The following CAMKMT variants were observed in gnomAD, a reference collection of about 807,000 sequenced individuals.
CAMKMT encodes CaM KMT.
A neutral mutation model predicts 48.0 loss-of-function variants in CAMKMT; 53 were observed. The observed-to-expected ratio is 1.10, with a 90% CI of 0.89 to 1.39. The LOEUF (loss-of-function observed/expected upper bound fraction) is 1.39, where lower values mean the gene tolerates loss of function less well. Among genes scored for constraint, CAMKMT ranks in the 40% most tolerant of loss-of-function variants. CAMKMT has a pLI of 0.00. For synonymous variants in CAMKMT, 165 were observed against 152.3 expected, an observed-to-expected ratio of 1.08 and a Z score of -0.61; for missense variants, 428 against 402.7, an observed-to-expected ratio of 1.06 and a Z score of -0.54.
At chr2:44,375,951 A>G (rs929138459) in intron 2 of CAMKMT, among the ~76,000 whole-genome samples, 1 of 151,872 alleles carries the variant, frequency 6.6e-6, no homozygotes, top group African/African-American at 2.4e-5. Flanking sequence ...ACACCTGGCT[A>G]ATTTTTTTGT....
chr2:44,716,506 A>G (rs572925000), intron 7 of CAMKMT, among the ~76,000 whole-genome samples: 2 of 152,290 alleles, frequency 1.3e-5, no homozygotes, highest in East Asian at 3.9e-4. Context: ...GTATTTTTAA[A>G]TCCTGTTTAA....
intron 3 of CAMKMT, among the ~76,000 whole-genome samples, chr2:44,410,490 C>G (rs1041509323): frequency 6.6e-6 from 1 of 151,014 alleles, no homozygotes; most frequent in Admixed American, 6.6e-5. Context: ...TTTTACAAGA[C>G]TCTTTTTGTG....
intron 3 of CAMKMT, among the ~76,000 whole-genome samples, chr2:44,494,393 G>A (rs1669656100): frequency 6.6e-6 from 1 of 152,120 alleles, no homozygotes. Context: ...AAAAGAGAGA[G>A]ACCACCTCAC....
In CAMKMT at chr2:44,361,951, C is replaced by A; in HGVS notation, c.-57C>A. On this transcript the variant is annotated 5_prime_UTR_variant, in exon 1 of 11. Coordinates refer to ENST00000378494, the MANE Select transcript of CAMKMT (RefSeq NM_024766.5). ...CCTGACAGGGAAGAAGTTGGCAGGT[C>A]CTGGCAGGGGACGAGCTGCGGCGGT... The A allele has an allele frequency of 7.4e-7, 1 of 1,359,992 alleles. No individual in the cohort carries two copies. Among genetic ancestry groups the A allele is most frequent in the East Asian group, 3.1e-5 (1 of 32,152 alleles). The allele number at this position is 1,359,992 out of a possible 1,614,324, so 84.2% of individuals were successfully genotyped here. A position where few individuals can be genotyped will look rare whatever the true frequency, so the allele number is the denominator to read the frequency against.
intron 3 of CAMKMT, among the ~76,000 whole-genome samples, chr2:44,620,218 A>G (rs958922513): frequency 6.6e-6 from 1 of 152,154 alleles, no homozygotes; most frequent in African/African-American, 2.4e-5. Context: ...GATTTTTTCT[A>G]AACACACCTA....
chr2:44,379,632 T>A (rs1374955380), intron 2 of CAMKMT, among the ~76,000 whole-genome samples: 1 of 152,220 alleles, frequency 6.6e-6, no homozygotes, highest in African/African-American at 2.4e-5. Flanking sequence ...TGAAGTGATA[T>A]CTCACTGTGG....
chr2:44,673,524 G>GGAAGGAAGGAAGGAAGGAA (rs1558786891), intron 3 of CAMKMT, among the ~76,000 whole-genome samples: 4 of 58,304 alleles, frequency 6.9e-5, no homozygotes, highest in African/African-American at 2.6e-4. Flanking sequence ...GAAGGAAGGA[G>GGAAGGAAGGAAGGAAGGAA]GGAAGGAAGA....
At chr2:44,678,507 A>G (rs1421390450) in intron 3 of CAMKMT, among the ~76,000 whole-genome samples, 1 of 152,152 alleles carries the variant, frequency 6.6e-6, no homozygotes, top group African/African-American at 2.4e-5. Context: ...ATCTCTCCAA[A>G]CACTTGGGCT....
chr2:44,462,326 A>G (rs185827706), intron 3 of CAMKMT, among the ~76,000 whole-genome samples: 9 of 152,290 alleles, frequency 5.9e-5, no homozygotes, highest in Middle Eastern at 3.4e-3. Context: ...ATCCTTTCAG[A>G]TAACTCTATG....
At chr2:44,567,069 TGA>T (rs1668654333) in intron 3 of CAMKMT, among the ~76,000 whole-genome samples, 1 of 152,106 alleles carries the variant, frequency 6.6e-6, no homozygotes, top group East Asian at 1.9e-4. Context: ...GTTCTGCTTG[TGA>T]GAGTTATCAG....
At chr2:44,757,469 G>A (rs1680430076) in intron 9 of CAMKMT, among the ~76,000 whole-genome samples, 1 of 152,160 alleles carries the variant, frequency 6.6e-6, no homozygotes, top group South Asian at 2.1e-4. Flanking sequence ...TGTAAAATGG[G>A]GAGTGAAAAA....
chr2:44,765,044 G>A (rs991840146), intron 9 of CAMKMT, among the ~76,000 whole-genome samples: 3 of 151,976 alleles, frequency 2.0e-5, no homozygotes, highest in African/African-American at 7.2e-5. Flanking sequence ...TCAACATGGC[G>A]AAACCCCATC....
chr2:44,726,514 A>G (rs1415089315), intron 7 of CAMKMT, among the ~76,000 whole-genome samples: 15 of 152,178 alleles, frequency 9.9e-5, no homozygotes, highest in African/African-American at 3.6e-4. Context: ...GATTCTAGAT[A>G]TTATGCCTTT....
At chr2:44,563,880 G>A (rs1572809590) in intron 3 of CAMKMT, among the ~76,000 whole-genome samples, 1 of 152,106 alleles carries the variant, frequency 6.6e-6, no homozygotes, top group Admixed American at 6.5e-5. Context: ...TGTCATTGAT[G>A]GACATTTGGG....
chr2:44,567,297 C>G (rs1328467031), intron 3 of CAMKMT, among the ~76,000 whole-genome samples: 1 of 152,074 alleles, frequency 6.6e-6, no homozygotes, highest in Non-Finnish European at 1.5e-5. Context: ...TGCAACCCGA[C>G]CATCAGTCAG....
chr2:44,564,860 C>T (rs1668527006), intron 3 of CAMKMT, among the ~76,000 whole-genome samples: 1 of 152,154 alleles, frequency 6.6e-6, no homozygotes, highest in Non-Finnish European at 1.5e-5. Flanking sequence ...ACACTTTAAA[C>T]CTTGGTTGGA....
intron 1 of CAMKMT, among the ~76,000 whole-genome samples, chr2:44,367,003 G>C (rs1178902766): frequency 6.6e-6 from 1 of 152,124 alleles, no homozygotes; most frequent in Non-Finnish European, 1.5e-5. Flanking sequence ...GGGATTACAC[G>C]TGTGAGCCAC....
rs1167249248 is a variant in CAMKMT, at chr2:44,618,108, A to G, written c.377-86175A>G. Reference sequence around the variant, plus strand: ...AATTTTCATTTAAAAGTAAAAAATGATGTTCTCTGCTTCAAGCAGCAGGTG... The same window carrying G: ...AATTTTCATTTAAAAGTAAAAAATGGTGTTCTCTGCTTCAAGCAGCAGGTG... On this transcript the variant is annotated intron_variant, in intron 3 of 10. Transcript: ENST00000378494. This position sits in a 1 kb window ranked among gnomAD's most constrained non-coding sequence, Gnocchi z 4.0. Among the ~76,000 whole-genome samples the G allele has an allele frequency of 6.6e-6, 1 of 152,178 alleles. No homozygotes were observed. The highest frequency in any genetic ancestry group is 2.4e-5 in the African/African-American group (1 of 41,438).
intron 3 of CAMKMT, among the ~76,000 whole-genome samples, chr2:44,463,519 G>C (rs1274698336): frequency 6.6e-6 from 1 of 152,238 alleles, no homozygotes; most frequent in African/African-American, 2.4e-5. Flanking sequence ...AGCTTTTTAG[G>C]GGGTGAAAAA....
Sources: allele counts gnomAD v4.1 joint callset (sites outside exome capture counted in the v4.1 genomes callset), GRCh38; gene constraint gnomAD v4.1.1; non-coding constraint Gnocchi (gnomAD v3.1); transcripts MANE v1.5; gene names NCBI Gene and HGNC (gene_info 2026-07-23, HGNC 2026-07-21).